Variants in BCAR3 observed in about 807,000 individuals in gnomAD.
The protein encoded by BCAR3 is BCAR3 adaptor protein, NSP family member.
A neutral mutation model predicts 80.1 loss-of-function variants in BCAR3; 37 were observed. That is an observed-to-expected ratio of 0.46 (90% CI 0.36 to 0.61). BCAR3 has a LOEUF of 0.61. Among genes scored for constraint, BCAR3 ranks in the 20% least tolerant of loss-of-function variants. The pLI, the probability that BCAR3 is intolerant of heterozygous loss-of-function variation, is 0.00. For synonymous variants in BCAR3, 389 were observed against 418.9 expected, an observed-to-expected ratio of 0.93 and a Z score of 0.87; for missense variants, 978 against 1,068.2, an observed-to-expected ratio of 0.92 and a Z score of 1.18.
At chr1:93,779,691 G>GC (rs1652699293) in intron 2 of BCAR3, among the ~76,000 whole-genome samples, 1 of 152,178 alleles carries the variant, frequency 6.6e-6, no homozygotes, top group Non-Finnish European at 1.5e-5. Context: ...ATTGCTTAGT[G>GC]CGTAAGTTGT....
At position 93,588,002 on chromosome 1, in the gene BCAR3, T is replaced by C. The variant is rs555403058; in HGVS notation, c.929+975A>G. The stretch of plus-strand genomic sequence containing the variant: ...TTTTCCACCAAGTGCCCTGAATCTT[T>C]CTCTTCCCCCATTCCCTGAGATTCA... On this transcript the variant is annotated intron_variant, in intron 5 of 11. Coordinates refer to ENST00000260502, the MANE Select transcript of BCAR3 (RefSeq NM_003567.4). Among the ~76,000 whole-genome samples the C allele has an allele frequency of 1.7e-3, 264 of 152,284 alleles. 1 individual carries two copies. Among genetic ancestry groups the C allele is most frequent in the Non-Finnish European group, 3.3e-3 (223 of 68,026 alleles).
rs115300416 is a variant in BCAR3, at chr1:93,597,508, C to T, written c.358-5115G>A. ...ACTGTGCCACGCACCTGCTGTGTGG[C>T]CTCGGGCAGGTGACATTAACTCTGT... is the stretch of plus-strand genomic sequence containing the variant. On this transcript the variant is annotated intron_variant, in intron 3 of 11. Transcript: ENST00000260502. Among the ~76,000 whole-genome samples the T allele has an allele frequency of 5.6e-3, 858 of 152,284 alleles. 2 individuals are homozygous for T. The highest frequency in any genetic ancestry group is 9.6e-3 in the Non-Finnish European group (653 of 68,018).
At chr1:93,581,512 G>A (rs1383044196) in intron 7 of BCAR3, among the ~76,000 whole-genome samples, 3 of 151,860 alleles carry the variant, frequency 2.0e-5, no homozygotes, top group African/African-American at 4.8e-5. Context: ...CCAGGTTCAA[G>A]CAATTCTCCT....
At chr1:93,814,024 A>G (rs541848628) in intron 2 of BCAR3, among the ~76,000 whole-genome samples, 11 of 152,356 alleles carry the variant, frequency 7.2e-5, no homozygotes, top group African/African-American at 2.6e-4. Flanking sequence ...AGGTTTAGGT[A>G]AATTTTTTAT....
intron 6 of BCAR3, among the ~76,000 whole-genome samples, chr1:93,583,416 C>T (rs964316724): frequency 2.6e-5 from 4 of 152,130 alleles, no homozygotes; most frequent in Admixed American, 2.6e-4. Flanking sequence ...GGGTAACCTA[C>T]ATGGAGGTAG....
intron 2 of BCAR3, among the ~76,000 whole-genome samples, chr1:93,784,866 T>C (rs1652886073): frequency 6.6e-6 from 1 of 152,196 alleles, no homozygotes; most frequent in African/African-American, 2.4e-5. Flanking sequence ...ATTGTGGTGT[T>C]AGGAAACTTT....
At chr1:93,847,205 G>C (rs1316437075), upstream of BCAR3, 1 of 191,870 alleles carries the variant, frequency 5.2e-6, no homozygotes, top group African/African-American at 2.4e-5. Flanking sequence ...CCGGGCTGGA[G>C]CGGCCGCCGG....
chr1:93,801,916 G>A (rs1409890716), intron 2 of BCAR3, among the ~76,000 whole-genome samples: 1 of 152,108 alleles, frequency 6.6e-6, no homozygotes. Flanking sequence ...TCAGGAGATT[G>A]AGACCAGCCT....
chr1:93,750,518 T>A (rs12132181), intron 2 of BCAR3, among the ~76,000 whole-genome samples: 17,831 of 152,288 alleles, frequency 0.12, 1,467 homozygotes, highest in African/African-American at 0.22. Flanking sequence ...AGCTGCCTTC[T>A]CTTTGAATAC....
intron 3 of BCAR3, among the ~76,000 whole-genome samples, chr1:93,604,198 C>T (rs1674707919): frequency 6.6e-6 from 1 of 152,132 alleles, no homozygotes; most frequent in African/African-American, 2.4e-5. Context: ...GTTTCATTTT[C>T]CTACTGTATA....
chr1:93,612,073 C>T (rs1442639486), intron 3 of BCAR3, among the ~76,000 whole-genome samples: 1 of 152,146 alleles, frequency 6.6e-6, no homozygotes, highest in Non-Finnish European at 1.5e-5. Flanking sequence ...TAAAGCGACT[C>T]GGCATTATCA....
At position 93,839,671 on chromosome 1, in the gene BCAR3, C is replaced by T. The variant is rs550482626; in HGVS notation, c.-63+5896G>A. 2.0e-5 allele frequency among the ~76,000 whole-genome samples: 3 copies of T among 152,322 alleles called. No individual in the cohort carries two copies. The East Asian group carries it at 5.8e-4, about 29-fold the overall frequency. On this transcript the variant is annotated intron_variant, in intron 2 of 13. Coordinates refer to the BCAR3 transcript ENST00000370244. ...TAACTTTTCTTCCTCAGTTCCCTCA[C>T]AAAATGAGAAGTAAAAGGTCATAGT...
chr1:93,739,910 C>G (rs911845918), intron 2 of BCAR3, among the ~76,000 whole-genome samples: 1 of 152,028 alleles, frequency 6.6e-6, no homozygotes, highest in African/African-American at 2.4e-5. Context: ...ATGGCCCATG[C>G]CTGTAATCCC....
At chr1:93,788,173 C>CT (rs1653019229) in intron 2 of BCAR3, among the ~76,000 whole-genome samples, 2 of 151,998 alleles carry the variant, frequency 1.3e-5, no homozygotes, top group Non-Finnish European at 2.9e-5. Context: ...TGTGGAATGT[C>CT]TTTTTCCACC....
chr1:93,602,014 G>A (rs1674639158), intron 3 of BCAR3: 1 of 152,130 alleles, frequency 6.6e-6, no homozygotes, highest in African/African-American at 2.4e-5. Context: ...TCCACAGGTT[G>A]GGATTTTCTA....
intron 2 of BCAR3, among the ~76,000 whole-genome samples, chr1:93,648,064 G>A (rs1016163931): frequency 1.3e-5 from 2 of 152,104 alleles, no homozygotes; most frequent in Admixed American, 6.5e-5. Context: ...GTGAGCCACC[G>A]CGCCTGGGTC....
intron 2 of BCAR3, among the ~76,000 whole-genome samples, chr1:93,764,206 G>A (rs910024745): frequency 1.3e-5 from 2 of 151,948 alleles, no homozygotes; most frequent in Admixed American, 1.3e-4. Flanking sequence ...GCTGCTGCCT[G>A]GGTCTGTGTG....
At chr1:93,826,314 C>T (rs143976034) in intron 2 of BCAR3, among the ~76,000 whole-genome samples, 1 of 152,278 alleles carries the variant, frequency 6.6e-6, no homozygotes, top group African/African-American at 2.4e-5. Flanking sequence ...GCCTGAGCTG[C>T]ACTTTCCTCT....
chr1:93,613,181 A>G (rs1394484364), intron 3 of BCAR3, among the ~76,000 whole-genome samples: 5 of 152,176 alleles, frequency 3.3e-5, no homozygotes, highest in Non-Finnish European at 7.3e-5. Flanking sequence ...AGATCCACGA[A>G]AGCCTATATT....
Sources: allele counts gnomAD v4.1 joint callset (sites outside exome capture counted in the v4.1 genomes callset), GRCh38; gene constraint gnomAD v4.1.1; transcripts MANE v1.5; gene names NCBI Gene and HGNC (gene_info 2026-07-23, HGNC 2026-07-21).